Variants in TNR observed in about 807,000 individuals in gnomAD.
The protein encoded by TNR is tenascin-R.
A neutral mutation model predicts 150.4 loss-of-function variants in TNR; 45 were observed. The observed-to-expected ratio is 0.30, with a 90% CI of 0.24 to 0.38. The LOEUF (loss-of-function observed/expected upper bound fraction) is 0.38. TNR is among the 10% of genes least tolerant of loss of function. The pLI is 1.00. For synonymous variants in TNR, 687 were observed against 678.4 expected (o/e 1.01, Z -0.20); for missense variants, 1,544 against 1,759.1 (o/e 0.88, Z 2.19).
intron 1 of TNR, among the ~76,000 whole-genome samples, chr1:175,554,462 G>A (rs1293926214): frequency 6.6e-6 from 1 of 152,016 alleles, no homozygotes; most frequent in Non-Finnish European, 1.5e-5. Flanking sequence ...TTTTGTGAGT[G>A]TATATTTTCT....
At chr1:175,691,554 G>A (rs542361063) in intron 1 of TNR, among the ~76,000 whole-genome samples, 23 of 152,016 alleles carry the variant, frequency 1.5e-4, no homozygotes, top group Admixed American at 8.5e-4. Context: ...GCCAGACCCA[G>A]CCCCTTCTTT....
At chr1:175,539,449 C>T (rs1026271621) in intron 1 of TNR, among the ~76,000 whole-genome samples, 1 of 152,170 alleles carries the variant, frequency 6.6e-6, no homozygotes, top group Non-Finnish European at 1.5e-5. Flanking sequence ...GGGAAGGCTC[C>T]CCTTCCCAGG....
intron 1 of TNR, among the ~76,000 whole-genome samples, chr1:175,713,794 C>A (rs749538122): frequency 1.2e-4 from 19 of 152,158 alleles, no homozygotes; most frequent in Non-Finnish European, 1.0e-4. Flanking sequence ...GAGCTCCCAG[C>A]GCTGACTAAA....
intron 18 of TNR, among the ~76,000 whole-genome samples, chr1:175,340,535 CAAGAG>C (rs1186634499): frequency 1.3e-5 from 2 of 152,112 alleles, no homozygotes; most frequent in Non-Finnish European, 2.9e-5. Flanking sequence ...TTTTTGCAGA[CAAGAG>C]AAGGCAGAGG....
At chr1:175,637,061 T>G (rs1020824281) in intron 1 of TNR, among the ~76,000 whole-genome samples, 2 of 152,242 alleles carry the variant, frequency 1.3e-5, no homozygotes, top group African/African-American at 4.8e-5. Context: ...TTTTAACATT[T>G]GCTTGCAATA....
At chr1:175,466,497 G>C (rs859372) in intron 2 of TNR, among the ~76,000 whole-genome samples, 1 of 152,104 alleles carries the variant, frequency 6.6e-6, no homozygotes, top group Non-Finnish European at 1.5e-5. Context: ...TCTGGGCTTG[G>C]AACAAGCACC....
At chr1:175,615,435 TGGAGATGCTTC>T (rs775954551) in intron 1 of TNR, among the ~76,000 whole-genome samples, 93 of 152,254 alleles carry the variant, frequency 6.1e-4, no homozygotes, top group Admixed American at 1.5e-3. Flanking sequence ...TCTGCAGGCC[TGGAGATGCTTC>T]GGTGATGTTG....
intron 1 of TNR, among the ~76,000 whole-genome samples, chr1:175,676,345 C>T (rs1456048657): frequency 6.6e-6 from 1 of 152,144 alleles, no homozygotes; most frequent in Non-Finnish European, 1.5e-5. Flanking sequence ...GGGCTCTTTC[C>T]CCAGCGTGCA....
intron 18 of TNR, among the ~76,000 whole-genome samples, chr1:175,352,961 C>T (rs913483971): frequency 6.6e-6 from 1 of 152,074 alleles, no homozygotes; most frequent in Non-Finnish European, 1.5e-5. Flanking sequence ...GGAAGAGGCT[C>T]TGAGGCATGG....
intron 2 of TNR, among the ~76,000 whole-genome samples, chr1:175,478,068 T>C (rs2102124991): frequency 6.6e-6 from 1 of 152,322 alleles, no homozygotes; most frequent in East Asian, 1.9e-4. Context: ...AAATTAAATA[T>C]GCTGCAAATA....
rs570661788 is a variant in TNR, at chr1:175,724,770, G to C, written c.-165+18456C>G. Among the ~76,000 whole-genome samples, 6 of 152,280 alleles carry C rather than the reference G, an allele frequency of 3.9e-5. No individual in the cohort carries two copies. In the East Asian group the frequency reaches 1.2e-3, roughly 29 times the overall value. On this transcript the variant is annotated intron_variant, in intron 1 of 22. Transcript: ENST00000367674. ...AACATGTAACCATGGCACCTGGCTT[G>C]GTCTGGGGAGCCAGGGATGGCTTCC...
At chr1:175,406,121 G>T (rs541780314) in intron 3 of TNR, 95 bp downstream of exon 3, 8 of 1,491,358 alleles carry the variant, frequency 5.4e-6, no homozygotes, top group African/African-American at 2.8e-5. Context: ...GTGCGTTTTC[G>T]CTGGAAGTGC....
At chr1:175,473,855 T>A (rs550117696) in intron 2 of TNR, among the ~76,000 whole-genome samples, 2 of 152,264 alleles carry the variant, frequency 1.3e-5, no homozygotes, top group African/African-American at 4.8e-5. Context: ...CTTTGTCAGG[T>A]CTTTGTAATA....
At chr1:175,474,113 G>A (rs1040430260) in intron 2 of TNR, among the ~76,000 whole-genome samples, 5 of 152,136 alleles carry the variant, frequency 3.3e-5, no homozygotes, top group African/African-American at 4.8e-5. Context: ...TCCCAGAGAT[G>A]TGTCTTTGGG....
intron 2 of TNR, among the ~76,000 whole-genome samples, chr1:175,440,303 C>G (rs1304105226): frequency 2.0e-5 from 3 of 149,560 alleles, no homozygotes; most frequent in Non-Finnish European, 3.0e-5. Flanking sequence ...CATGTTTTCA[C>G]TCATAGGTGG....
At chr1:175,551,351 C>T (rs1298279048) in intron 1 of TNR, among the ~76,000 whole-genome samples, 3 of 152,032 alleles carry the variant, frequency 2.0e-5, no homozygotes, top group Non-Finnish European at 4.4e-5. Flanking sequence ...CCCTCAGTCT[C>T]AAAAAAGTTA....
intron 1 of TNR, among the ~76,000 whole-genome samples, chr1:175,669,812 G>T (rs990364992): frequency 2.0e-5 from 3 of 152,156 alleles, no homozygotes; most frequent in African/African-American, 7.2e-5. Context: ...CTGAGTCATT[G>T]GTTTAATGAT....
chr1:175,485,785 G>A (rs1374218761), intron 2 of TNR, among the ~76,000 whole-genome samples: 6 of 152,146 alleles, frequency 3.9e-5, no homozygotes, highest in African/African-American at 4.8e-5. Flanking sequence ...CAGGCACGGC[G>A]AGCTTGCAAT....
At chr1:175,619,142 T>C (rs1663877778) in intron 1 of TNR, among the ~76,000 whole-genome samples, 1 of 152,158 alleles carries the variant, frequency 6.6e-6, no homozygotes, top group Admixed American at 6.5e-5. Flanking sequence ...TCCTCCTCTA[T>C]CACGGTCTAC....
Sources: gnomAD v4.1 joint callset for allele counts (sites outside exome capture counted in the v4.1 genomes callset) on GRCh38, gnomAD v4.1.1 for gene constraint, MANE v1.5 for transcripts, NCBI Gene and HGNC (gene_info 2026-07-23, HGNC 2026-07-21) for gene names.